Variants in ROBO2 observed in about 807,000 individuals in gnomAD.
ROBO2 encodes roundabout homolog 2.
In ROBO2, 53 loss-of-function variants were observed where a neutral mutation model predicts 160.8. That is an observed-to-expected ratio of 0.33 (90% CI 0.26 to 0.41). The LOEUF (loss-of-function observed/expected upper bound fraction) is 0.41, where lower values mean the gene tolerates loss of function less well. Ranked by LOEUF, ROBO2 falls within the 10% of genes least tolerant of loss-of-function variation. ROBO2 has a pLI of 1.00. For synonymous variants in ROBO2, 664 were observed against 611.7 expected (o/e 1.09, Z -1.26); for missense variants, 1,577 against 1,722.4 (o/e 0.92, Z 1.49).
chr3:76,571,514 A>G (rs2084956825), intron 2 of ROBO2, among the ~76,000 whole-genome samples: 1 of 152,154 alleles, frequency 6.6e-6, no homozygotes, highest in Non-Finnish European at 1.5e-5. Flanking sequence ...AGATAGAATT[A>G]TCAAAGTGTA....
At chr3:77,399,006 C>A (rs1379733753) in intron 2 of ROBO2, among the ~76,000 whole-genome samples, 3 of 152,032 alleles carry the variant, frequency 2.0e-5, no homozygotes, top group African/African-American at 7.2e-5. Flanking sequence ...CAGAAATTAG[C>A]AAAATTGGTT....
At chr3:76,802,685 G>A (rs1481073556) in intron 2 of ROBO2, among the ~76,000 whole-genome samples, 3 of 146,666 alleles carry the variant, frequency 2.0e-5, no homozygotes, top group Non-Finnish European at 3.0e-5. Flanking sequence ...CCAAGATGGC[G>A]TCACTGCACT....
At chr3:76,687,579 A>C (rs1010888401) in intron 2 of ROBO2, among the ~76,000 whole-genome samples, 1 of 152,050 alleles carries the variant, frequency 6.6e-6, no homozygotes, top group Non-Finnish European at 1.5e-5. Flanking sequence ...TCTAGGCTTC[A>C]ACAGCCCCTG....
intron 2 of ROBO2, among the ~76,000 whole-genome samples, chr3:76,263,488 G>T (rs939334765): frequency 1.3e-5 from 2 of 152,094 alleles, no homozygotes; most frequent in African/African-American, 4.8e-5. Context: ...CTCCCAAAGT[G>T]CTGGGATTAC....
intron 1 of ROBO2, among the ~76,000 whole-genome samples, chr3:77,062,705 G>A (rs1406417206): frequency 2.6e-5 from 4 of 152,106 alleles, no homozygotes; most frequent in Non-Finnish European, 5.9e-5. Context: ...CACACTGCAA[G>A]GTACTTAGCA....
intron 2 of ROBO2, among the ~76,000 whole-genome samples, chr3:76,342,890 T>A (rs1016795345): frequency 6.6e-5 from 10 of 152,118 alleles, no homozygotes; most frequent in Non-Finnish European, 1.2e-4. Flanking sequence ...GTGACACAGT[T>A]GTTTGAATGG....
intron 2 of ROBO2, among the ~76,000 whole-genome samples, chr3:76,313,820 T>C (rs565083684): frequency 6.6e-6 from 1 of 152,266 alleles, no homozygotes; most frequent in South Asian, 2.1e-4. Context: ...AACCTCCATA[T>C]GGCAACCTGC....
At chr3:77,239,628 C>T (rs150931581) in intron 2 of ROBO2, among the ~76,000 whole-genome samples, 6 of 152,200 alleles carry the variant, frequency 3.9e-5, no homozygotes, top group East Asian at 1.9e-4. Context: ...GACAGGGTGC[C>T]GATTGGTGCG....
intron 2 of ROBO2, among the ~76,000 whole-genome samples, chr3:76,139,240 G>A (rs2071543264): frequency 6.6e-6 from 1 of 151,914 alleles, no homozygotes; most frequent in Non-Finnish European, 1.5e-5. Flanking sequence ...AATATGCTTT[G>A]TATTTGTAAG....
intron 2 of ROBO2, among the ~76,000 whole-genome samples, chr3:75,955,636 TA>T (rs889056911): frequency 3.1e-4 from 47 of 150,726 alleles, no homozygotes; most frequent in East Asian, 7.9e-4. Flanking sequence ...AGTATAATAA[TA>T]AAAAAAAAGA....
At chr3:76,967,190 A>T (rs2059341383) in intron 2 of ROBO2, among the ~76,000 whole-genome samples, 1 of 151,566 alleles carries the variant, frequency 6.6e-6, no homozygotes, top group Admixed American at 6.6e-5. Flanking sequence ...GCACAAGCTG[A>T]TGTTGAGTAC....
At chr3:76,066,060 A>C (rs1047690355) in intron 2 of ROBO2, among the ~76,000 whole-genome samples, 4 of 151,966 alleles carry the variant, frequency 2.6e-5, no homozygotes, top group African/African-American at 9.7e-5. Context: ...CAGCCTCTGT[A>C]GAGAGCACAA....
chr3:76,527,751 A>T (rs531502727), intron 2 of ROBO2, among the ~76,000 whole-genome samples: 1 of 152,204 alleles, frequency 6.6e-6, no homozygotes, highest in African/African-American at 2.4e-5. Context: ...GATAAATGTT[A>T]TGTAGAAAAT....
chr3:77,590,243 A>C (rs1438740082), intron 17 of ROBO2, among the ~76,000 whole-genome samples: 1 of 152,138 alleles, frequency 6.6e-6, no homozygotes, highest in Non-Finnish European at 1.5e-5. Context: ...AGAGGCTTCC[A>C]TGTTTGGTGA....
chr3:76,093,142 A>G (rs1246724895), intron 2 of ROBO2, among the ~76,000 whole-genome samples: 1 of 152,144 alleles, frequency 6.6e-6, no homozygotes, highest in Admixed American at 6.6e-5. Context: ...TGGTGTAATC[A>G]TCATTGTGTT....
At chr3:77,472,533 A>T (rs2083459492) in intron 2 of ROBO2, among the ~76,000 whole-genome samples, 1 of 152,198 alleles carries the variant, frequency 6.6e-6, no homozygotes, top group African/African-American at 2.4e-5. Flanking sequence ...AGGTTATATT[A>T]TGACTAGCTA....
chr3:77,504,795 C>A (rs2088222194), intron 5 of ROBO2, among the ~76,000 whole-genome samples: 1 of 152,104 alleles, frequency 6.6e-6, no homozygotes, highest in Non-Finnish European at 1.5e-5. Flanking sequence ...GTGAGATATG[C>A]ATAACATTAT....
chr3:76,903,870 C>T (rs1027891592), intron 2 of ROBO2, among the ~76,000 whole-genome samples: 9 of 152,100 alleles, frequency 5.9e-5, no homozygotes, highest in African/African-American at 2.2e-4. Flanking sequence ...TCTGAGTTTG[C>T]ATGCATCCTG....
intron 2 of ROBO2, among the ~76,000 whole-genome samples, chr3:76,013,184 C>T (rs376455408): frequency 7.1e-6 from 1 of 140,206 alleles, no homozygotes; most frequent in South Asian, 2.3e-4. Context: ...CGTGTAATCC[C>T]AGAAGTAATA....
Sources: allele counts gnomAD v4.1 joint callset (sites outside exome capture counted in the v4.1 genomes callset), GRCh38; gene constraint gnomAD v4.1.1; transcripts MANE v1.5; gene names NCBI Gene and HGNC (gene_info 2026-07-23, HGNC 2026-07-21).